SP140: variants seen among roughly 807,000 people sequenced by gnomAD.
The protein encoded by SP140 is SP140 nuclear body protein.
SP140 carries 81 observed loss-of-function variants against 125.0 expected under a neutral mutation model. That is an observed-to-expected ratio of 0.65 (90% confidence interval 0.54 to 0.78). SP140 has a LOEUF of 0.78. Ranked by LOEUF, SP140 falls within the 30% of genes least tolerant of loss-of-function variation. The probability of loss-of-function intolerance (pLI) is 0.00; values close to 1 mark genes in which losing one functional copy is unlikely to be tolerated. For missense variants in SP140, 858 were observed against 1,037.0 expected (o/e 0.83, Z 2.37); for synonymous variants, 312 against 354.0 (o/e 0.88, Z 1.33).
At chr2:230,250,285 C>T (rs1371689633) in intron 9 of SP140, among the ~76,000 whole-genome samples, 1 of 152,212 alleles carries the variant, frequency 6.6e-6, no homozygotes, top group Non-Finnish European at 1.5e-5. Flanking sequence ...CTTTGCTGCA[C>T]AGGATTAGAT....
chr2:230,197,996 A>G, the SP140 span, among the ~76,000 whole-genome samples: 4 of 152,354 alleles, frequency 2.6e-5, no homozygotes, highest in South Asian at 2.1e-4. Context: ...GGAATATTGT[A>G]TCACACAAGA....
At chr2:230,244,391 CA>C (rs2049123097) in intron 5 of SP140, among the ~76,000 whole-genome samples, 1 of 152,170 alleles carries the variant, frequency 6.6e-6, no homozygotes, top group African/African-American at 2.4e-5. Context: ...GAACATGACC[CA>C]CATCCCTGCT....
chr2:230,261,153 G>A (rs1307131606), intron 12 of SP140, among the ~76,000 whole-genome samples: 2 of 151,912 alleles, frequency 1.3e-5, no homozygotes, highest in East Asian at 1.9e-4. Context: ...GAGGTCTTTC[G>A]ACTCCCTGGT....
chr2:230,309,727 C>A (rs2059156079), intron 22 of SP140, among the ~76,000 whole-genome samples, 197 bp from the exon 23 acceptor site: 1 of 152,212 alleles, frequency 6.6e-6, no homozygotes, highest in South Asian at 2.1e-4. Context: ...CTGACCCATA[C>A]CCCTTCCTCC....
chr2:230,288,551 C>T (rs774473215), intron 18 of SP140, among the ~76,000 whole-genome samples: 5 of 144,382 alleles, frequency 3.5e-5, no homozygotes, highest in Non-Finnish European at 7.5e-5. Flanking sequence ...CTGAGATACA[C>T]GTGTAGAATG....
chr2:230,200,568 A>G (rs2043084382), upstream of SP140: 1 of 395,802 alleles, frequency 2.5e-6, no homozygotes, highest in African/African-American at 2.1e-5. Flanking sequence ...AGTACCATGA[A>G]TATACTTAGG....
upstream of SP140, among the ~76,000 whole-genome samples, chr2:230,223,532 T>A (rs1000008767): frequency 9.2e-5 from 14 of 151,764 alleles, no homozygotes; most frequent in Non-Finnish European, 3.0e-5. Context: ...CAGAGTCAGT[T>A]TGGATTACTT....
At chr2:230,219,997 G>A (rs1195685035) in intron 3 of SP140, 1 of 985,594 alleles carries the variant, frequency 1.0e-6, no homozygotes. Flanking sequence ...TTTGACAAAC[G>A]CAGTAAGGGG....
chr2:230,219,895 C>G, intron 3 of SP140: 1 of 985,072 alleles, frequency 1.0e-6, no homozygotes. Flanking sequence ...GTTTGTCGTT[C>G]CTGCCCCTTT....
intron 19 of SP140, among the ~76,000 whole-genome samples, chr2:230,290,783 C>A (rs1170242078): frequency 6.6e-6 from 1 of 152,146 alleles, no homozygotes; most frequent in Non-Finnish European, 1.5e-5. Context: ...GCCCAAAGAA[C>A]CAAAGAGAAG....
At chr2:230,275,652 G>A (rs966952661) in intron 15 of SP140, among the ~76,000 whole-genome samples, 4 of 152,010 alleles carry the variant, frequency 2.6e-5, no homozygotes, top group Admixed American at 2.0e-4. Flanking sequence ...TGGCCTCTAA[G>A]GGCTCAAGTT....
chr2:230,212,837 G>C (rs1327353483), intron 1 of SP140: 2 of 1,613,988 alleles, frequency 1.2e-6, no homozygotes, highest in Non-Finnish European at 1.7e-6. Context: ...ACTCACTCAG[G>C]ATCTCATCGC....
rs996070266 is a variant in SP140 at position 230,257,417 on chromosome 2, C to T, written c.1240+1885C>T. Among the ~76,000 whole-genome samples the T allele has an allele frequency of 6.6e-5, 10 of 152,070 alleles. No individual in the cohort carries two copies. In the East Asian group the frequency reaches 1.2e-3, roughly 18 times the overall value. ...GTTAAGAAGAGAAAGTCCAGAAAGC[C>T]GAAAAGAACCATAGATGCCGTCATA... is the stretch of plus-strand genomic sequence containing the variant. On this transcript the variant is annotated intron_variant, in intron 12 of 26. Transcript: ENST00000392045.
chr2:230,253,247 C>A, intron 10 of SP140, 69 bp from the exon 11 acceptor site: 2 of 1,134,282 alleles, frequency 1.8e-6, no homozygotes, highest in Non-Finnish European at 2.7e-6. Context: ...TGGCTCTTAG[C>A]ATTTTCCCAT....
At chr2:230,306,111 G>A (rs1007963873) in intron 22 of SP140, among the ~76,000 whole-genome samples, 2 of 152,220 alleles carry the variant, frequency 1.3e-5, no homozygotes, top group East Asian at 3.9e-4. Context: ...AACGGCCAGA[G>A]GAGCAGCAGT....
intron 18 of SP140, among the ~76,000 whole-genome samples, chr2:230,288,509 C>T (rs893981773): frequency 1.0e-3 from 119 of 116,090 alleles, no homozygotes; most frequent in African/African-American, 3.5e-3. Flanking sequence ...TTCTTTCTTT[C>T]TTTCTTTCTT....
intron 22 of SP140, 60 bp from the exon 23 acceptor site, chr2:230,309,864 A>C: frequency 6.3e-7 from 1 of 1,575,804 alleles, no homozygotes; most frequent in Non-Finnish European, 8.7e-7. Flanking sequence ...AGTTGCCCAG[A>C]GGGTTGGCCT....
At chr2:230,238,847 G>T (rs764736391) in intron 3 of SP140, 62 of 1,553,636 alleles carry the variant, frequency 4.0e-5, no homozygotes, top group Middle Eastern at 1.7e-4. Flanking sequence ...AGCACATACT[G>T]GTACACTGAG....
chr2:230,221,866 C>T (rs1218251420), upstream of SP140: 11 of 770,106 alleles, frequency 1.4e-5, no homozygotes, highest in East Asian at 2.7e-4. Context: ...AATGTCAAAT[C>T]AGGCAAAAAT....
Sources: gnomAD v4.1 joint callset for allele counts (sites outside exome capture counted in the v4.1 genomes callset) on GRCh38, gnomAD v4.1.1 for gene constraint, MANE v1.5 for transcripts, NCBI Gene and HGNC (gene_info 2026-07-23, HGNC 2026-07-21) for gene names.